TRIM38: variants seen among roughly 807,000 people sequenced by gnomAD.
TRIM38 encodes tripartite motif containing 38.
Under a neutral mutation model 35.8 loss-of-function variants are expected in TRIM38, and 35 were observed. The ratio of observed to expected loss-of-function variants is 0.98; its 90% CI spans 0.75 to 1.30. The LOEUF (loss-of-function observed/expected upper bound fraction) is 1.30, where lower values mean the gene tolerates loss of function less well. Ranked by LOEUF, TRIM38 falls within the 50% of genes most tolerant of loss-of-function variation. The pLI is 0.00. For missense variants in TRIM38, 545 were observed against 556.9 expected (o/e 0.98, Z 0.21); for synonymous variants, 198 against 204.7 (o/e 0.97, Z 0.28).
At chr6:25,972,211 T>C (rs1309089666) in intron 5 of TRIM38, 112 bp downstream of exon 5, 2 of 959,368 alleles carry the variant, frequency 2.1e-6, no homozygotes, top group East Asian at 5.3e-5. Context: ...TGTACATCAG[T>C]GCCATCAGGC....
In TRIM38 at chr6:25,983,765, G is replaced by A; in HGVS notation, c.*78G>A. ...TCCCATAAGGGCAGACGTTTGGTCTGTTTTCTTCGCTGTCATTTCCTTAGT... is the reference window on the plus strand; with the variant it reads ...TCCCATAAGGGCAGACGTTTGGTCTATTTTCTTCGCTGTCATTTCCTTAGT... On this transcript the variant is annotated 3_prime_UTR_variant, in exon 8 of 8. Coordinates refer to ENST00000357085, the MANE Select transcript of TRIM38 (RefSeq NM_006355.5). 3.7e-6 allele frequency: 5 copies of A among 1,351,394 alleles called. No homozygotes were observed. The highest frequency in any genetic ancestry group is 5.0e-6 in the Non-Finnish European group (5 of 1,002,648). 83.7% of individuals were successfully genotyped at this position (1,351,394 alleles called of 1,614,324 possible).
At chr6:25,977,442 G>A (rs1296398913) in intron 7 of TRIM38, among the ~76,000 whole-genome samples, 1 of 152,242 alleles carries the variant, frequency 6.6e-6, no homozygotes, top group Non-Finnish European at 1.5e-5. Flanking sequence ...GGCCGAGGCA[G>A]GAGGATCACT....
chr6:25,972,969 A>G, intron 5 of TRIM38, 85 bp from the exon 6 acceptor site: 1 of 1,558,294 alleles, frequency 6.4e-7, no homozygotes, highest in South Asian at 1.1e-5. Context: ...TTCTTCGGGT[A>G]AAGCAAAGAA....
chr6:25,979,958 ATCT>A (rs1760498909), intron 7 of TRIM38, among the ~76,000 whole-genome samples: 1 of 152,146 alleles, frequency 6.6e-6, no homozygotes. Context: ...AATATTTAGA[ATCT>A]TTTTAGTCAT....
chr6:25,970,149 C>T (rs935625985), intron 4 of TRIM38, among the ~76,000 whole-genome samples: 8 of 152,010 alleles, frequency 5.3e-5, no homozygotes, highest in African/African-American at 1.7e-4. Flanking sequence ...ATCTCCTGAC[C>T]TCGTGATTCA....
chr6:25,972,971 A>G lies in TRIM38; in HGVS notation c.739-83A>G, dbSNP rs1217602824. 5 of 1,573,010 alleles carry G rather than the reference A, an allele frequency of 3.2e-6. No homozygotes were observed. In the African/African-American group the frequency reaches 6.8e-5, roughly 21 times the overall value. On this transcript the variant is annotated intron_variant, in intron 5 of 7. Coordinates refer to ENST00000357085, the MANE Select transcript of TRIM38 (RefSeq NM_006355.5). ...TAACTCTCTTTACTTCTTCGGGTAA[A>G]GCAAAGAAGAATAGCCCTGCATGAC...
intron 7 of TRIM38, among the ~76,000 whole-genome samples, chr6:25,981,064 A>G (rs985623289): frequency 4.6e-5 from 7 of 152,234 alleles, no homozygotes; most frequent in Admixed American, 4.6e-4. Flanking sequence ...GGAAATCCAC[A>G]AGGAACAGGA....
At chr6:25,969,516 A>C in intron 4 of TRIM38, 96 bp downstream of exon 4, 20 of 999,862 alleles carry the variant, frequency 2.0e-5, no homozygotes, top group Non-Finnish European at 2.6e-5. Flanking sequence ...ATTTATTCTC[A>C]CTAAACCAGA....
At chr6:25,978,888 A>C (rs1249793681) in intron 7 of TRIM38, among the ~76,000 whole-genome samples, 1 of 151,928 alleles carries the variant, frequency 6.6e-6, no homozygotes, top group Non-Finnish European at 1.5e-5. Flanking sequence ...GGCTGGTCTC[A>C]AACTCTTGGA....
At chr6:25,977,990 A>G (rs1760446602) in intron 7 of TRIM38, among the ~76,000 whole-genome samples, 1 of 152,138 alleles carries the variant, frequency 6.6e-6, no homozygotes, top group African/African-American at 2.4e-5. Context: ...TCTTGGTCCA[A>G]TTGGTAATGA....
At chr6:25,975,012 A>G in intron 7 of TRIM38, 1 of 981,022 alleles carries the variant, frequency 1.0e-6, no homozygotes, top group Non-Finnish European at 1.2e-6. Context: ...TTCAAGTGAA[A>G]CTATTTCTTT....
At position 25,987,149 on chromosome 6, in the gene TRIM38, C is replaced by T. The variant is rs547597739; in HGVS notation, c.*3462C>T. The T allele has an allele frequency of 6.6e-6, 1 of 151,526 alleles. No individual in the cohort carries two copies. Among genetic ancestry groups the T allele is most frequent in the South Asian group, 2.1e-4 (1 of 4,808 alleles). The allele number at this position is 151,526 out of a possible 1,614,324, so 9.4% of individuals were successfully genotyped here. A position where few individuals can be genotyped will look rare whatever the true frequency, so the allele number is the denominator to read the frequency against. ...CTATTTAAACTGTCCTAGTCAATGA[C>T]CAAAAAAGAAAAGCCTACAAACTCA... On this transcript the variant is annotated 3_prime_UTR_variant, in exon 8 of 8. Coordinates refer to ENST00000357085, the MANE Select transcript of TRIM38 (RefSeq NM_006355.5).
intron 3 of TRIM38, among the ~76,000 whole-genome samples, chr6:25,967,973 C>A (rs1176781048): frequency 6.6e-6 from 1 of 152,136 alleles, no homozygotes; most frequent in Non-Finnish European, 1.5e-5. Context: ...GAAGGTGAAG[C>A]AGAGGGAGAG....
rs771276197 is a variant in TRIM38 at position 25,973,013 on chromosome 6, C to T, written c.739-41C>T. The T allele has an allele frequency of 1.4e-5, 23 of 1,613,418 alleles. No individual in the cohort carries two copies. In the East Asian group the frequency reaches 2.2e-4, roughly 16 times the overall value. Reference sequence around the variant, plus strand: ...CTGCATGACAAGCCCCATGAAATACCGATGTTCCCATGCTCACCTTTTCTT... The same window carrying T: ...CTGCATGACAAGCCCCATGAAATACTGATGTTCCCATGCTCACCTTTTCTT... On this transcript the variant is annotated intron_variant, in intron 5 of 7. Coordinates refer to ENST00000357085, the MANE Select transcript of TRIM38 (RefSeq NM_006355.5).
chr6:25,978,747 A>G (rs1760467233), intron 7 of TRIM38, among the ~76,000 whole-genome samples: 1 of 151,960 alleles, frequency 6.6e-6, no homozygotes, highest in Non-Finnish European at 1.5e-5. Flanking sequence ...ACTCACTGCA[A>G]TCTCCACCTC....
Position 25,987,133 on chromosome 6 carries a change from C to G in TRIM38, c.*3446C>G, listed in dbSNP as rs1043066790. 1.3e-5 allele frequency: 2 copies of G among 151,942 alleles called. No individual in the cohort carries two copies. The highest frequency in any genetic ancestry group is 4.8e-5 in the African/African-American group (2 of 41,312). 9.4% of individuals were successfully genotyped at this position (151,942 alleles called of 1,614,324 possible). On this transcript the variant is annotated 3_prime_UTR_variant, in exon 8 of 8. Transcript: ENST00000357085. ...CTCCTTCACACTCATACTATTTAAA[C>G]TGTCCTAGTCAATGACCAAAAAAGA...
At position 25,983,722 on chromosome 6, in the gene TRIM38, CAG is replaced by C; in HGVS notation, c.*39_*40del. ...CAGAAGCTCCTTGGTTTAACCAGCA[CAG>C]AGAAAATAATATAAATCCCATAAGG... On this transcript the variant is annotated 3_prime_UTR_variant, in exon 8 of 8. Transcript: ENST00000357085. 1.3e-6 allele frequency: 2 copies of C among 1,512,880 alleles called. No homozygotes were observed. Among genetic ancestry groups the C allele is most frequent in the Non-Finnish European group, 1.8e-6 (2 of 1,134,334 alleles). The allele number at this position is 1,512,880 out of a possible 1,614,324, so 93.7% of individuals were successfully genotyped here. A position where few individuals can be genotyped will look rare whatever the true frequency, so the allele number is the denominator to read the frequency against.
At chr6:25,973,117 T>G (rs1055221041) in intron 6 of TRIM38, 41 bp downstream of exon 6, 17 of 1,614,138 alleles carry the variant, frequency 1.1e-5, no homozygotes, top group Non-Finnish European at 1.4e-5. Context: ...GGTGTGCGTA[T>G]ATAGAAATGA....
At position 25,988,930 on chromosome 6, in the gene TRIM38, G is replaced by C. The variant is rs1165963759; in HGVS notation, c.*5243G>C. On this transcript the variant is annotated 3_prime_UTR_variant, in exon 8 of 8. Coordinates refer to ENST00000357085, the MANE Select transcript of TRIM38 (RefSeq NM_006355.5). Reference sequence around the variant, plus strand: ...CCTTTGGATAAATACTAAGGAGTGTGATTGGTGAATCTTATGGTAAAAGTA... The same window carrying C: ...CCTTTGGATAAATACTAAGGAGTGTCATTGGTGAATCTTATGGTAAAAGTA... The C allele has an allele frequency of 6.6e-6, 1 of 152,188 alleles. No individual in the cohort carries two copies. Among genetic ancestry groups the C allele is most frequent in the Non-Finnish European group, 1.5e-5 (1 of 68,038 alleles). 9.4% of individuals were successfully genotyped at this position (152,188 alleles called of 1,614,324 possible).
Sources: allele counts gnomAD v4.1 joint callset (sites outside exome capture counted in the v4.1 genomes callset), GRCh38; gene constraint gnomAD v4.1.1; transcripts MANE v1.5; gene names NCBI Gene and HGNC (gene_info 2026-07-23, HGNC 2026-07-21).